SPATS1: variants seen among roughly 807,000 people sequenced by gnomAD.
SPATS1 encodes the protein spermatogenesis associated serine rich 1.
A neutral mutation model predicts 33.6 loss-of-function variants in SPATS1; 23 were observed. The observed-to-expected ratio is 0.68, with a 90% CI of 0.49 to 0.97. The LOEUF is 0.97. Among genes scored for constraint, SPATS1 ranks in the 50% least tolerant of loss-of-function variants. SPATS1 has a pLI of 0.00. For synonymous variants in SPATS1, 131 were observed against 125.6 expected (o/e 1.04, Z -0.29); for missense variants, 327 against 361.0 (o/e 0.91, Z 0.76).
At position 44,360,463 on chromosome 6, in the gene SPATS1, A is replaced by T. The variant is rs149190490; in HGVS notation, c.305A>T (p.Asp102Val). The change falls in exon 4 of 9, where the codon GAT (aspartate) becomes GTT (valine). Residue 102 changes from aspartate to valine, a missense_variant. Coordinates refer to ENST00000674044, the MANE Select transcript of SPATS1 (RefSeq NM_001372081.1). ...CTTTCCAGCACCACTGCTGACTTGG[A>T]TCGGAAACTCTCCTTCTCACATTCT... ...SAYVDTTADL[D>V]RKLSFSHSDH... 70 of 1,614,180 alleles carry T rather than the reference A, an allele frequency of 4.3e-5. No homozygotes were observed. In the African/African-American group the frequency reaches 6.7e-4, roughly 15 times the overall value.
At chr6:44,364,868 G>A (rs1374010705) in intron 5 of SPATS1, among the ~76,000 whole-genome samples, 6 of 150,756 alleles carry the variant, frequency 4.0e-5, no homozygotes, top group African/African-American at 7.3e-5. Context: ...CGTGACCTTG[G>A]CTCACTGCAA....
At chr6:44,342,982 C>A in intron 1 of SPATS1, 114 bp from the exon 2 acceptor site, 1 of 1,392,660 alleles carries the variant, frequency 7.2e-7, no homozygotes, top group Non-Finnish European at 9.8e-7. Context: ...CCAGTCCTGC[C>A]CTCCTGACTT....
rs1317272860 is a variant in SPATS1 at position 44,379,924 on chromosome 6, C to T, written c.*2861C>T. Among the ~76,000 whole-genome samples, 1 of 152,062 alleles carries T rather than the reference C, an allele frequency of 6.6e-6. No homozygotes were observed. Among genetic ancestry groups the T allele is most frequent in the South Asian group, 2.1e-4 (1 of 4,822 alleles). ...TCTGGTGTTCTCTGTGGGTACATCT[C>T]GATGCCCAGGCCTTATTCCACGGCA... On this transcript the variant is annotated 3_prime_UTR_variant, in exon 9 of 9. Coordinates refer to ENST00000674044, the MANE Select transcript of SPATS1 (RefSeq NM_001372081.1).
intron 7 of SPATS1, among the ~76,000 whole-genome samples, 162 bp downstream of exon 7, chr6:44,370,275 A>G (rs768829254): frequency 5.9e-5 from 9 of 152,184 alleles, no homozygotes; most frequent in Non-Finnish European, 1.2e-4. Flanking sequence ...TTGGATAGAC[A>G]TTCTGTAGAG....
intron 5 of SPATS1, among the ~76,000 whole-genome samples, chr6:44,362,546 A>G (rs1243581187): frequency 1.3e-5 from 2 of 152,218 alleles, no homozygotes; most frequent in Non-Finnish European, 2.9e-5. Context: ...GACCCTCAAA[A>G]GTTGCTGAGT....
At chr6:44,342,922 TC>T in intron 1 of SPATS1, 154 bp downstream of exon 1, 1 of 1,259,032 alleles carries the variant, frequency 7.9e-7, no homozygotes, top group Non-Finnish European at 1.1e-6. Flanking sequence ...TCCCAGGGCT[TC>T]CAAACCACGA....
At chr6:44,376,889 G>A in intron 8 of SPATS1, 146 bp from the exon 9 acceptor site, 1 of 821,070 alleles carries the variant, frequency 1.2e-6, no homozygotes, top group Non-Finnish European at 2.1e-6. Context: ...GGCAGGCAAA[G>A]TATCTCCTGG....
rs1208469158 is a variant in SPATS1, at chr6:44,344,389, ACGTGTGTG to A, written c.139+1156_139+1163del. 4.0e-5 allele frequency among the ~76,000 whole-genome samples: 5 copies of A among 124,734 alleles called. No individual in the cohort carries two copies. In the East Asian group the frequency reaches 9.3e-4, roughly 23 times the overall value. The allele number at this position is 124,734 out of a possible 152,430, so 81.8% of individuals were successfully genotyped here. A position where few individuals can be genotyped will look rare whatever the true frequency, so the allele number is the denominator to read the frequency against. ...GGGGCTCCACAAACCAATTGAAGAT[ACGTGTGTG>A]TGTGTGTGTGTGTGTGTGTGTGTGT... On this transcript the variant is annotated intron_variant, in intron 2 of 8. Transcript: ENST00000674044.
At chr6:44,362,103 T>G (rs893697225) in intron 5 of SPATS1, 111 bp downstream of exon 5, 5 of 1,345,938 alleles carry the variant, frequency 3.7e-6, no homozygotes, top group Non-Finnish European at 5.2e-6. Context: ...GTCACCATGT[T>G]CCCCTAGTGC....
chr6:44,367,952 T>C (rs1389108168), intron 5 of SPATS1, among the ~76,000 whole-genome samples: 2 of 152,136 alleles, frequency 1.3e-5, no homozygotes, highest in Non-Finnish European at 2.9e-5. Context: ...ACATCCTTAG[T>C]TGGTTTCCTT....
At position 44,380,146 on chromosome 6, in the gene SPATS1, T is replaced by C. The variant is rs1448542564; in HGVS notation, c.*3083T>C. Among the ~76,000 whole-genome samples the C allele has an allele frequency of 6.6e-6, 1 of 152,214 alleles. No homozygotes were observed. Among genetic ancestry groups the C allele is most frequent in the Non-Finnish European group, 1.5e-5 (1 of 68,024 alleles). On this transcript the variant is annotated 3_prime_UTR_variant, in exon 9 of 9. Transcript: ENST00000674044. Reference sequence around the variant, plus strand: ...TGTAAAGATCCCCTTCACCTCACTGTAGGGTCTTTGGTAAATAAAAACATG... The same window carrying C: ...TGTAAAGATCCCCTTCACCTCACTGCAGGGTCTTTGGTAAATAAAAACATG...
At chr6:44,357,316 C>T (rs898927095) in intron 3 of SPATS1, among the ~76,000 whole-genome samples, 2 of 152,118 alleles carry the variant, frequency 1.3e-5, no homozygotes, top group South Asian at 2.1e-4. Context: ...CCAGTGGCGT[C>T]GTCTATGCTA....
rs559363102 is a variant in SPATS1, at chr6:44,369,413, G to A, written c.696-638G>A. On this transcript the variant is annotated intron_variant, in intron 6 of 8. Coordinates refer to ENST00000674044, the MANE Select transcript of SPATS1 (RefSeq NM_001372081.1). The stretch of plus-strand genomic sequence containing the variant: ...AAAAATACAAAAATTAGCTGGGCAC[G>A]GTGGCAGATGCTTGTAATCTCAGCT... Among the ~76,000 whole-genome samples, 4 of 152,090 alleles carry A rather than the reference G, an allele frequency of 2.6e-5. No individual in the cohort carries two copies. In the East Asian group the frequency reaches 7.8e-4, roughly 30 times the overall value.
At chr6:44,360,311 T>C in intron 3 of SPATS1, 135 bp from the exon 4 acceptor site, 1 of 1,097,544 alleles carries the variant, frequency 9.1e-7, no homozygotes. Context: ...AGTAAATAAA[T>C]GATATGCTCA....
chr6:44,342,730 G>A lies in SPATS1; in HGVS notation c.-39G>A. The A allele has an allele frequency of 2.1e-6, 1 of 465,692 alleles. No individual in the cohort carries two copies. The highest frequency in any genetic ancestry group is 4.3e-6 in the Non-Finnish European group (1 of 233,704). 28.8% of individuals were successfully genotyped at this position (465,692 alleles called of 1,614,324 possible). ...TCTCGGTTCTCAGGCCTCGGCGTGC[G>A]GCGTGCGTTCGGCAGTTCAGTTGCC... On this transcript the variant is annotated 5_prime_UTR_variant, in exon 1 of 9. Transcript: ENST00000674044.
Position 44,377,108 on chromosome 6 carries a change from C to G in SPATS1, c.*45C>G. 6.2e-7 allele frequency: 1 copy of G among 1,612,612 alleles called. No homozygotes were observed. The highest frequency in any genetic ancestry group is 8.5e-7 in the Non-Finnish European group (1 of 1,178,590). On this transcript the variant is annotated 3_prime_UTR_variant, in exon 9 of 9. Coordinates refer to ENST00000674044, the MANE Select transcript of SPATS1 (RefSeq NM_001372081.1). The stretch of plus-strand genomic sequence containing the variant: ...ACATGTGCTGACTGCACTCTGGCGA[C>G]CCTTTTCCAGTTGATGTTTTTTGTC...
intron 6 of SPATS1, 54 bp from the exon 7 acceptor site, chr6:44,369,997 T>C: frequency 2.2e-6 from 3 of 1,333,418 alleles, no homozygotes; most frequent in Non-Finnish European, 3.2e-6. Context: ...GATGTATTGA[T>C]CTCTTTGCTG....
intron 5 of SPATS1, 109 bp downstream of exon 5, chr6:44,362,101 G>A: frequency 7.4e-7 from 1 of 1,358,956 alleles, no homozygotes; most frequent in Non-Finnish European, 1.0e-6. Flanking sequence ...GAGTCACCAT[G>A]TTCCCCTAGT....
chr6:44,367,935 G>A (rs1373787073), intron 5 of SPATS1, among the ~76,000 whole-genome samples: 2 of 152,138 alleles, frequency 1.3e-5, no homozygotes, highest in Non-Finnish European at 2.9e-5. Context: ...GAGGCAGAAG[G>A]AGCAAGACAT....
Sources: gnomAD v4.1 joint callset for allele counts (sites outside exome capture counted in the v4.1 genomes callset) on GRCh38, gnomAD v4.1.1 for gene constraint, MANE v1.5 for transcripts, NCBI Gene and HGNC (gene_info 2026-07-23, HGNC 2026-07-21) for gene names.